Variants in SUN3 observed in about 807,000 individuals in gnomAD.
SUN3 encodes the protein SUN domain-containing protein 3.
A neutral mutation model predicts 48.2 loss-of-function variants in SUN3; 36 were observed. That is an observed-to-expected ratio of 0.75 (90% confidence interval 0.57 to 0.99). The LOEUF (loss-of-function observed/expected upper bound fraction) is 0.99, where lower values mean the gene tolerates loss of function less well. Among genes scored for constraint, SUN3 ranks in the 50% least tolerant of loss-of-function variants. SUN3 has a pLI of 0.00. For missense variants in SUN3, 419 were observed against 433.1 expected, an observed-to-expected ratio of 0.97 and a Z score of 0.29; for synonymous variants, 148 against 147.9, an observed-to-expected ratio of 1.00 and a Z score of 0.00.
intron 6 of SUN3, among the ~76,000 whole-genome samples, chr7:48,002,228 C>T (rs1478903041): frequency 1.6e-5 from 2 of 125,500 alleles, no homozygotes; most frequent in South Asian, 2.3e-4. Context: ...GGCGCGATCT[C>T]GGCTCACTGC....
chr7:48,015,536 T>C (rs1243641108), intron 3 of SUN3, among the ~76,000 whole-genome samples: 1 of 152,086 alleles, frequency 6.6e-6, no homozygotes, highest in East Asian at 1.9e-4. Context: ...AACTAGGAAG[T>C]AGAAGATTTC....
chr7:48,027,744 T>G (rs941698466), intron 1 of SUN3, among the ~76,000 whole-genome samples: 1 of 151,574 alleles, frequency 6.6e-6, no homozygotes, highest in African/African-American at 2.4e-5. Flanking sequence ...AGTGTGACAG[T>G]GTGGAAACCA....
chr7:48,031,973 AGAACATTATGCTAAGT>A (rs1449140986), upstream of SUN3, among the ~76,000 whole-genome samples: 2 of 152,230 alleles, frequency 1.3e-5, no homozygotes, highest in Non-Finnish European at 2.9e-5. Flanking sequence ...ATGAGCCTGG[AGAACATTATGCTAAGT>A]GAAATAAACC....
chr7:47,995,217 T>A (rs1789175902), intron 7 of SUN3, among the ~76,000 whole-genome samples: 1 of 150,470 alleles, frequency 6.6e-6, no homozygotes, highest in Non-Finnish European at 1.5e-5. Context: ...GGGGTGGTGA[T>A]GAAGAAAGAT....
chr7:47,996,731 A>G (rs2128771837), intron 6 of SUN3, among the ~76,000 whole-genome samples: 1 of 152,312 alleles, frequency 6.6e-6, no homozygotes, highest in South Asian at 2.1e-4. Flanking sequence ...TTGCATTTGC[A>G]TAACACACCA....
At chr7:48,035,881 CG>C in the SUN3 span, among the ~76,000 whole-genome samples, 2 of 152,008 alleles carry the variant, frequency 1.3e-5, no homozygotes. This position sits in a 1 kb window ranked among gnomAD's most constrained non-coding sequence, Gnocchi z 4.0. Flanking sequence ...ACTGGATACC[CG>C]GCGTGACGTG....
intron 2 of SUN3, among the ~76,000 whole-genome samples, chr7:48,025,261 G>C (rs1011546862): frequency 3.3e-5 from 5 of 152,086 alleles, no homozygotes; most frequent in African/African-American, 1.2e-4. Context: ...GATAGGATAT[G>C]GATGAACCTT....
At chr7:48,011,520 G>C (rs886513211) in intron 3 of SUN3, among the ~76,000 whole-genome samples, 1 of 152,154 alleles carries the variant, frequency 6.6e-6, no homozygotes, top group African/African-American at 2.4e-5. Flanking sequence ...GGTAGATAGA[G>C]ATTCTCACTT....
At chr7:47,995,910 A>C (rs545739634) in intron 7 of SUN3, 121 bp downstream of exon 7, 1 of 547,250 alleles carries the variant, frequency 1.8e-6, no homozygotes. Flanking sequence ...AGATGATTTC[A>C]GATTCTGTGA....
At chr7:48,031,923 C>T (rs1790261770), upstream of SUN3, among the ~76,000 whole-genome samples, 1 of 150,804 alleles carries the variant, frequency 6.6e-6, no homozygotes, top group South Asian at 2.1e-4. Context: ...TATTATTCAG[C>T]CATAAAAAGT....
chr7:48,033,742 T>C (rs900071091), upstream of SUN3, among the ~76,000 whole-genome samples: 3 of 151,918 alleles, frequency 2.0e-5, no homozygotes, highest in Admixed American at 6.6e-5. Context: ...CCAGTTATTA[T>C]GATCAATTAA....
In SUN3 at chr7:47,987,260, G is replaced by A. The variant is rs764956495; in HGVS notation, c.*70C>T. The A allele has an allele frequency of 1.8e-5, 28 of 1,519,894 alleles. No individual in the cohort carries two copies. Among genetic ancestry groups the A allele is most frequent in the South Asian group, 3.9e-5 (3 of 76,114 alleles). 94.2% of individuals were successfully genotyped at this position (1,519,894 alleles called of 1,614,324 possible). On this transcript the variant is annotated 3_prime_UTR_variant, in exon 10 of 10. Transcript: ENST00000297325. ...CCCAATTCTCAATTCCTATGGGTGC[G>A]GTATCATCTAAGAGAATAAGCATTC...
At chr7:48,021,271 A>G (rs1789987251) in intron 2 of SUN3, among the ~76,000 whole-genome samples, 1 of 152,192 alleles carries the variant, frequency 6.6e-6, no homozygotes. Context: ...AAAATGGATT[A>G]AAGGCTTAAA....
intron 3 of SUN3, among the ~76,000 whole-genome samples, chr7:48,014,114 T>G (rs1433045648): frequency 2.0e-5 from 3 of 152,126 alleles, no homozygotes; most frequent in African/African-American, 7.2e-5. Context: ...TACAGGCATA[T>G]TCCACCATGT....
chr7:48,021,571 A>C (rs1292954598), intron 2 of SUN3, among the ~76,000 whole-genome samples: 6 of 151,936 alleles, frequency 3.9e-5, no homozygotes, highest in African/African-American at 1.4e-4. Context: ...GAAAAAAAAA[A>C]AAAACAAACC....
rs112901104 is a variant in SUN3 at position 47,998,494 on chromosome 7, T to C, written c.578-2348A>G. Among the ~76,000 whole-genome samples the C allele has an allele frequency of 3.0e-3, 455 of 152,334 alleles. 6 individuals are homozygous for C. Among genetic ancestry groups the C allele is most frequent in the African/African-American group, 0.01 (424 of 41,580 alleles). On this transcript the variant is annotated intron_variant, in intron 6 of 9. Coordinates refer to ENST00000297325, the MANE Select transcript of SUN3 (RefSeq NM_001030019.2). ...TGTGTGGTTTCCAAATATTCTCCCC[T>C]AGCCTGTAACTTGTCTTTTCATTCT...
upstream of SUN3, among the ~76,000 whole-genome samples, chr7:48,032,671 G>A (rs1165081071): frequency 6.6e-6 from 1 of 152,204 alleles, no homozygotes; most frequent in African/African-American, 2.4e-5. Flanking sequence ...AAATGTAAAA[G>A]CCCCTCCAGT....
At chr7:47,999,527 T>A (rs1208348688) in intron 6 of SUN3, among the ~76,000 whole-genome samples, 1 of 152,158 alleles carries the variant, frequency 6.6e-6, no homozygotes, top group Non-Finnish European at 1.5e-5. Flanking sequence ...AGTTGAAATT[T>A]TTTATTTATT....
intron 3 of SUN3, among the ~76,000 whole-genome samples, chr7:48,014,229 G>T (rs2128779591): frequency 6.6e-6 from 1 of 152,324 alleles, no homozygotes; most frequent in East Asian, 1.9e-4. Context: ...GAGCCACCGT[G>T]TTGGGCTGGC....
Sources: allele counts gnomAD v4.1 joint callset (sites outside exome capture counted in the v4.1 genomes callset), GRCh38; gene constraint gnomAD v4.1.1; non-coding constraint Gnocchi (gnomAD v3.1); transcripts MANE v1.5; gene names NCBI Gene and HGNC (gene_info 2026-07-23, HGNC 2026-07-21).